Variants in ANO2 observed in about 807,000 individuals in gnomAD.
The protein encoded by ANO2 is anoctamin 2.
A neutral mutation model predicts 124.2 loss-of-function variants in ANO2; 101 were observed. The ratio of observed to expected loss-of-function variants is 0.81; its 90% CI spans 0.69 to 0.96. The LOEUF (loss-of-function observed/expected upper bound fraction) is 0.96, where lower values mean the gene tolerates loss of function less well. Ranked by LOEUF, ANO2 falls within the 40% of genes least tolerant of loss-of-function variation. The pLI, the probability that ANO2 is intolerant of heterozygous loss-of-function variation, is 0.00. For synonymous variants in ANO2, 486 were observed against 482.5 expected, an observed-to-expected ratio of 1.01 and a Z score of -0.09; for missense variants, 1,293 against 1,274.5, an observed-to-expected ratio of 1.01 and a Z score of -0.22.
chr12:5,903,668 T>TGTGG (rs1189960073), intron 3 of ANO2, among the ~76,000 whole-genome samples: 3 of 151,722 alleles, frequency 2.0e-5, no homozygotes, highest in Non-Finnish European at 4.4e-5. Flanking sequence ...TGTGTGTGTG[T>TGTGG]GTGTGTGTGG....
At chr12:5,605,232 G>A (rs557057160) in intron 19 of ANO2, among the ~76,000 whole-genome samples, 1 of 152,162 alleles carries the variant, frequency 6.6e-6, no homozygotes, top group African/African-American at 2.4e-5. Flanking sequence ...GTTCAAATTT[G>A]TTCCTTAAAC....
At chr12:5,738,786 C>T (rs139057756) in intron 13 of ANO2, among the ~76,000 whole-genome samples, 5 of 152,324 alleles carry the variant, frequency 3.3e-5, no homozygotes, top group African/African-American at 1.2e-4. Flanking sequence ...CTGTCCAGAA[C>T]ACTGCTCTAG....
chr12:5,722,689 G>A (rs771530307), intron 14 of ANO2, among the ~76,000 whole-genome samples: 1 of 152,056 alleles, frequency 6.6e-6, no homozygotes. Flanking sequence ...TGGGAACCAC[G>A]ATCTGATGAA....
chr12:5,656,338 T>C (rs1947152442), intron 14 of ANO2, among the ~76,000 whole-genome samples: 1 of 152,232 alleles, frequency 6.6e-6, no homozygotes, highest in Non-Finnish European at 1.5e-5. Flanking sequence ...ACAAAAAGAA[T>C]GGATCATCTT....
chr12:5,748,870 CA>C (rs60191649), intron 11 of ANO2, among the ~76,000 whole-genome samples: 13,036 of 101,492 alleles, frequency 0.13, 752 homozygotes, highest in African/African-American at 0.23. Context: ...CTTCACCCTC[CA>C]AAAAAAAAAA....
intron 15 of ANO2, among the ~76,000 whole-genome samples, chr12:5,641,991 A>T (rs1252956276): frequency 6.6e-6 from 1 of 152,106 alleles, no homozygotes; most frequent in East Asian, 1.9e-4. Context: ...TTTGTTGTTG[A>T]TGATGATGAT....
intron 4 of ANO2, among the ~76,000 whole-genome samples, chr12:5,842,606 T>C (rs1046942114): frequency 6.6e-6 from 1 of 152,204 alleles, no homozygotes; most frequent in African/African-American, 2.4e-5. Flanking sequence ...CACTCTTTCG[T>C]TCGCTACCAG....
intron 19 of ANO2, among the ~76,000 whole-genome samples, chr12:5,612,016 A>T (rs77605197): frequency 0.032 from 4,890 of 152,330 alleles, 273 homozygotes; most frequent in African/African-American, 0.11. Context: ...AAGGAAAAGC[A>T]GAGGGGGTTA....
chr12:5,786,553 A>G (rs1231430668), intron 10 of ANO2, among the ~76,000 whole-genome samples: 1 of 152,076 alleles, frequency 6.6e-6, no homozygotes, highest in Non-Finnish European at 1.5e-5. Context: ...CCCCTCCCAG[A>G]CCTAAAATTC....
intron 11 of ANO2, among the ~76,000 whole-genome samples, chr12:5,747,465 C>A (rs868010130): frequency 6.6e-6 from 1 of 152,158 alleles, no homozygotes; most frequent in African/African-American, 2.4e-5. Flanking sequence ...GTTTAAAAAA[C>A]AGTTCCTCTG....
intron 10 of ANO2, among the ~76,000 whole-genome samples, chr12:5,765,954 G>GCT (rs1314365997): frequency 1.3e-5 from 2 of 152,150 alleles, no homozygotes; most frequent in East Asian, 3.8e-4. Context: ...TAGCCAAAGT[G>GCT]CTCAACTCCC....
chr12:5,734,422 G>T (rs1355690994), intron 13 of ANO2, among the ~76,000 whole-genome samples: 1 of 152,146 alleles, frequency 6.6e-6, no homozygotes, highest in African/African-American at 2.4e-5. Flanking sequence ...CAGAACATGG[G>T]TTCTACATCT....
At chr12:5,586,462 C>T (rs935021742) in intron 20 of ANO2, among the ~76,000 whole-genome samples, 1 of 152,168 alleles carries the variant, frequency 6.6e-6, no homozygotes, top group African/African-American at 2.4e-5. Context: ...TGGCTTGTAA[C>T]ACACACACAC....
chr12:5,778,674 T>C (rs1048157791), intron 10 of ANO2, among the ~76,000 whole-genome samples: 3 of 152,188 alleles, frequency 2.0e-5, no homozygotes, highest in African/African-American at 7.2e-5. Flanking sequence ...CAATGAAATA[T>C]GGTCATCTCA....
chr12:5,688,460 A>G (rs1948793654), intron 14 of ANO2, among the ~76,000 whole-genome samples: 1 of 152,186 alleles, frequency 6.6e-6, no homozygotes, highest in Non-Finnish European at 1.5e-5. Context: ...TCTTCCAGTC[A>G]ATCCTTAAAG....
chr12:5,574,873 T>G (rs553020016), intron 23 of ANO2, among the ~76,000 whole-genome samples: 2 of 152,360 alleles, frequency 1.3e-5, no homozygotes, highest in Middle Eastern at 3.4e-3. Flanking sequence ...CTTCCCATTA[T>G]GTACTTTATC....
chr12:5,799,347 C>G (rs1952967393), intron 10 of ANO2, among the ~76,000 whole-genome samples, 160 bp downstream of exon 10: 1 of 152,254 alleles, frequency 6.6e-6, no homozygotes, highest in African/African-American at 2.4e-5. Context: ...ATGTCCCCAG[C>G]TGCTTCCCCA....
intron 3 of ANO2, among the ~76,000 whole-genome samples, chr12:5,880,093 G>A (rs1205633792): frequency 2.6e-5 from 4 of 152,188 alleles, no homozygotes; most frequent in South Asian, 2.1e-4. Context: ...ACCAGAACAC[G>A]AGAGGAGAGA....
intron 14 of ANO2, among the ~76,000 whole-genome samples, chr12:5,718,849 T>G (rs1950115997): frequency 6.6e-6 from 1 of 152,194 alleles, no homozygotes; most frequent in Admixed American, 6.5e-5. Context: ...TGGACTGCCC[T>G]TCCCTTGGCG....
Sources: gnomAD v4.1 joint callset for allele counts (sites outside exome capture counted in the v4.1 genomes callset) on GRCh38, gnomAD v4.1.1 for gene constraint, MANE v1.5 for transcripts, NCBI Gene and HGNC (gene_info 2026-07-23, HGNC 2026-07-21) for gene names.